FBF1: variants seen among roughly 807,000 people sequenced by gnomAD.
FBF1 encodes the protein Fas binding factor 1, also known as fas-binding factor 1.
A neutral mutation model predicts 147.2 loss-of-function variants in FBF1; 119 were observed. The observed-to-expected ratio is 0.81, with a 90% confidence interval of 0.70 to 0.94. The LOEUF (loss-of-function observed/expected upper bound fraction) is 0.94, where lower values mean the gene tolerates loss of function less well. Among genes scored for constraint, FBF1 ranks in the 40% least tolerant of loss-of-function variants. The pLI is 0.00. For synonymous variants in FBF1, 601 were observed against 609.0 expected (o/e 0.99, Z 0.19); for missense variants, 1,449 against 1,500.8 (o/e 0.97, Z 0.57).
intron 7 of FBF1, 52 bp downstream of exon 7, chr17:75,929,945 A>ACCGCC: frequency 1.5e-6 from 1 of 650,912 alleles, no homozygotes; most frequent in Non-Finnish European, 2.8e-6. Flanking sequence ...AAATATCATG[A>ACCGCC]CCCCACCCCA....
At chr17:75,924,577 A>C (rs2144176017) in intron 13 of FBF1, among the ~76,000 whole-genome samples, 1 of 152,164 alleles carries the variant, frequency 6.6e-6, no homozygotes, top group East Asian at 1.9e-4. Flanking sequence ...TCTAGGATTC[A>C]AGCTATTCTC....
rs1159129691 is a variant in FBF1 at position 75,917,750 on chromosome 17, C to G, written c.2487G>C (p.Gln829His). The change falls in exon 23 of 30, where the codon CAG becomes CAC. Residue 829 changes from glutamine (Q) to histidine (H), a missense_variant. Physicochemically the swap from Gln to His is conservative, Grantham distance 24. Transcript: ENST00000636174. ...IGKMEARLNE[Q>H]SRLLEQERWR... ...GCCTCACCTGCTCCAGCAGCCGGCT[C>G]TGCTCATTCAGCCGTGCCTCCATCT... 1 of 1,603,456 alleles carries G rather than the reference C, an allele frequency of 6.2e-7. No homozygotes were observed. The highest frequency in any genetic ancestry group is 2.2e-5 in the East Asian group (1 of 44,466).
intron 13 of FBF1, among the ~76,000 whole-genome samples, chr17:75,924,302 CT>C (rs2065547292): frequency 2.0e-5 from 3 of 152,220 alleles, no homozygotes; most frequent in African/African-American, 7.2e-5. Context: ...TCATCTGTCA[CT>C]GACCAGTGGC....
chr17:75,915,099 G>A lies in FBF1; in HGVS notation c.2546C>T (p.Ser849Phe), dbSNP rs1311899047. Residue 849 changes from serine to phenylalanine, a missense_variant, in exon 24 of 30, where the codon TCC becomes TTC. Ser to Phe is a radical substitution (Grantham distance 155, BLOSUM62 -2). Coordinates refer to ENST00000636174, the MANE Select transcript of FBF1 (RefSeq NM_001319193.2). ...RVTAEQSKAE[S>F]MQRALEEQRK... Reference sequence around the variant, plus strand: ...TTGCTCCTCTAGGGCGCGCTGCATGGACTCCGCCTTGGACTGCTCGGCAGT... The same window carrying A: ...TTGCTCCTCTAGGGCGCGCTGCATGAACTCCGCCTTGGACTGCTCGGCAGT... 4 of 1,612,270 alleles carry A rather than the reference G, an allele frequency of 2.5e-6. No homozygotes were observed. The highest frequency in any genetic ancestry group is 3.3e-5 in the Admixed American group (2 of 59,924).
At chr17:75,939,391 T>C (rs1821623664) in intron 1 of FBF1, among the ~76,000 whole-genome samples, 1 of 149,474 alleles carries the variant, frequency 6.7e-6, no homozygotes, top group Non-Finnish European at 1.5e-5. Context: ...CCATCATCCC[T>C]TACCCTGAAA....
At chr17:75,924,226 A>G (rs1356040859) in intron 13 of FBF1, among the ~76,000 whole-genome samples, 1 of 152,090 alleles carries the variant, frequency 6.6e-6, no homozygotes, top group Non-Finnish European at 1.5e-5. Context: ...AAAAATAATA[A>G]TAAGTTGGAT....
At chr17:75,924,161 C>T (rs2065546285) in intron 13 of FBF1, among the ~76,000 whole-genome samples, 1 of 152,042 alleles carries the variant, frequency 6.6e-6, no homozygotes, top group African/African-American at 2.4e-5. Flanking sequence ...TTGTGGTAAG[C>T]CGAGATCATG....
rs2065450457 is a variant in FBF1, at chr17:75,910,503, C to T, written c.*220G>A. 2 of 542,948 alleles carry T rather than the reference C, an allele frequency of 3.7e-6. No homozygotes were observed. The highest frequency in any genetic ancestry group is 3.8e-5 in the African/African-American group (2 of 52,372). The allele number at this position is 542,948 out of a possible 1,614,324, so 33.6% of individuals were successfully genotyped here. A position where few individuals can be genotyped will look rare whatever the true frequency, so the allele number is the denominator to read the frequency against. On this transcript the variant is annotated 3_prime_UTR_variant, in exon 30 of 30. Coordinates refer to ENST00000636174, the MANE Select transcript of FBF1 (RefSeq NM_001319193.2). The surrounding 1 kb of genome is among the most constrained non-coding windows in gnomAD (Gnocchi z 4.1). The stretch of plus-strand genomic sequence containing the variant: ...TGGCTTTGGGGCAGGGCAGCCAAAG[C>T]CATGGTAAGATAGCCTACACCACAG...
Position 75,917,763 on chromosome 17 carries a change from C to T in FBF1, c.2474G>A (p.Arg825Gln), listed in dbSNP as rs374408919. The T allele has an allele frequency of 5.0e-6, 8 of 1,608,484 alleles. No homozygotes were observed. The highest frequency in any genetic ancestry group is 5.1e-6 in the Non-Finnish European group (6 of 1,178,500). ...CAGCAGCCGGCTCTGCTCATTCAGC[C>T]GTGCCTCCATCTTCCCGATGACCTC... The part of the protein sequence containing the change: ...QQEVIGKMEA[R>Q]LNEQSRLLEQ... The change falls in exon 23 of 30, where the codon CGG (arginine) becomes CAG (glutamine). Residue 825 changes from arginine to glutamine, a missense_variant. Transcript: ENST00000636174.
At chr17:75,927,983 G>A (rs2065572363) in intron 8 of FBF1, 93 bp downstream of exon 8, 9 of 1,009,792 alleles carry the variant, frequency 8.9e-6, no homozygotes, top group South Asian at 4.3e-5. Context: ...GGACATGAAC[G>A]CTTCCTACTA....
At chr17:75,939,695 AAC>A (rs912439287) in intron 1 of FBF1, 13 of 151,376 alleles carry the variant, frequency 8.6e-5, no homozygotes, top group African/African-American at 3.2e-4. Context: ...CACGTCCAGC[AAC>A]ACGATTTTCA....
chr17:75,924,390 A>T (rs1477667089), intron 13 of FBF1, among the ~76,000 whole-genome samples: 1 of 152,196 alleles, frequency 6.6e-6, no homozygotes, highest in Non-Finnish European at 1.5e-5. Context: ...AGATAGAAAG[A>T]GGATGAAGAA....
In FBF1 at chr17:75,923,794, G is replaced by A. The variant is rs1156505034; in HGVS notation, c.969-153C>T. Among the ~76,000 whole-genome samples the A allele has an allele frequency of 1.3e-5, 2 of 152,230 alleles. No individual in the cohort carries two copies. Among genetic ancestry groups the A allele is most frequent in the Non-Finnish European group, 2.9e-5 (2 of 68,048 alleles). On this transcript the variant is annotated intron_variant, in intron 13 of 29. Transcript: ENST00000636174. The surrounding 1 kb of genome is among the most constrained non-coding windows in gnomAD (Gnocchi z 4.1). ...GCTCCTGGACCGGCTCAGGTGGCAG[G>A]CCACGTGCTGTCTGTAGAACACCAC... is the stretch of plus-strand genomic sequence containing the variant.
chr17:75,921,302 T>A lies in FBF1; in HGVS notation c.1616A>T (p.Glu539Val). 1 of 1,589,272 alleles carries A rather than the reference T, an allele frequency of 6.3e-7. No homozygotes were observed. The highest frequency in any genetic ancestry group is 1.3e-5 in the African/African-American group (1 of 74,560). Residue 539 changes from glutamate to valine, a missense_variant and splice_region_variant, in exon 17 of 30, where the codon GAG (glutamate) becomes GTG (valine). Glu to Val is a moderately radical substitution (Grantham distance 121). Coordinates refer to ENST00000636174, the MANE Select transcript of FBF1 (RefSeq NM_001319193.2). Reference sequence around the variant, plus strand: ...GGTGCTCGGGAAACACGTGGCAGGCTCTGAAACATCAACAACAGAGAAATG... The same window carrying A: ...GGTGCTCGGGAAACACGTGGCAGGCACTGAAACATCAACAACAGAGAAATG... ...GTAPGDLSAT[E>V]PATCFPSTQK... is the part of the protein sequence containing the mutation.
Position 75,926,855 on chromosome 17 carries a change from T to C in FBF1, c.498A>G (p.Gly166=). The C allele has an allele frequency of 6.2e-7, 1 of 1,613,136 alleles. No homozygotes were observed. The highest frequency in any genetic ancestry group is 8.5e-7 in the Non-Finnish European group (1 of 1,179,588). ...TTCCTCCTTCATCATAGGAGAGAAG[T>C]CCTCTCAATGGGTCTTCCAAGTCTC... ...SSEDLEDPLR[G]LLSYDEGGIT... The change falls in exon 10 of 30, where the codon GGA becomes GGG. Residue 166 remains glycine, a synonymous_variant. Coordinates refer to ENST00000636174, the MANE Select transcript of FBF1 (RefSeq NM_001319193.2).
At chr17:75,929,193 G>A (rs527935493) in intron 7 of FBF1, among the ~76,000 whole-genome samples, 2 of 152,178 alleles carry the variant, frequency 1.3e-5, no homozygotes, top group Admixed American at 6.6e-5. Context: ...AATCTGGACC[G>A]GGTGTGGTGC....
intron 23 of FBF1, among the ~76,000 whole-genome samples, chr17:75,917,508 G>C (rs760956193): frequency 4.3e-4 from 33 of 77,096 alleles, no homozygotes; most frequent in Admixed American, 6.1e-4. Flanking sequence ...GTGCTGAGGA[G>C]CGGACAGGGC....
chr17:75,937,660 C>A, intron 2 of FBF1, 67 bp from the exon 3 acceptor site: 2 of 1,567,010 alleles, frequency 1.3e-6, no homozygotes, highest in East Asian at 2.2e-5. Flanking sequence ...ATTGGCAATG[C>A]AGAATGAATT....
chr17:75,936,900 C>T (rs2065628440), intron 3 of FBF1, among the ~76,000 whole-genome samples: 1 of 152,084 alleles, frequency 6.6e-6, no homozygotes, highest in African/African-American at 2.4e-5. Context: ...TAAGACCCCC[C>T]AGAACTGGTC....
Sources: gnomAD v4.1 joint callset for allele counts (sites outside exome capture counted in the v4.1 genomes callset) on GRCh38, gnomAD v4.1.1 for gene constraint, Gnocchi (gnomAD v3.1) non-coding constraint, MANE v1.5 for transcripts, NCBI Gene and HGNC (gene_info 2026-07-23, HGNC 2026-07-21) for gene names.